The following ATP2B2 variants were observed in gnomAD, a reference collection of about 807,000 sequenced individuals.
ATP2B2 encodes the protein ATPase plasma membrane Ca2+ transporting 2.
A neutral mutation model predicts 120.0 loss-of-function variants in ATP2B2; 15 were observed. The observed-to-expected ratio is 0.12, with a 90% confidence interval of 0.08 to 0.19. The LOEUF is 0.19. Among genes scored for constraint, ATP2B2 ranks in the 10% least tolerant of loss-of-function variants. The pLI, the probability that ATP2B2 is intolerant of heterozygous loss-of-function variation, is 1.00. For missense variants in ATP2B2, 1,045 were observed against 1,719.8 expected (o/e 0.61, Z 6.94); for synonymous variants, 694 against 700.3 (o/e 0.99, Z 0.14).
chr3:10,449,978 C>G, intron 1 of ATP2B2, 116 bp from the exon 2 acceptor site: 1 of 314,042 alleles, frequency 3.2e-6, no homozygotes, highest in South Asian at 3.0e-5. Flanking sequence ...TGACTACACC[C>G]ATGCCCCCTA....
rs1553644157 is a variant in ATP2B2 at position 10,338,133 on chromosome 3, G to GC, written c.3420+42dup. Reference sequence around the variant, plus strand: ...CACACTCACCTCCATCCCCTGGCCCGCCCCGGCCAGGCCTGGGCCCAGCCC... The same window carrying GC: ...CACACTCACCTCCATCCCCTGGCCCGCCCCCGGCCAGGCCTGGGCCCAGCCC... On this transcript the variant is annotated intron_variant, in intron 22 of 22. Transcript: ENST00000360273. The GC allele has an allele frequency of 8.1e-6, 13 of 1,611,436 alleles. No individual in the cohort carries two copies. The Admixed American group carries it at 1.3e-4, about 17-fold the overall frequency.
Position 10,486,324 on chromosome 3 carries a change from C to CGTGTGCGTGT in ATP2B2, c.-320+19140_-320+19141insACACGCACAC, listed in dbSNP as rs2065656853. On this transcript the variant is annotated intron_variant, in intron 1 of 22. Transcript: ENST00000360273. Reference sequence around the variant, plus strand: ...AACAGCAGCCAGGTGTGTGTGCGTGCGTGTGTGTGTGTGTGTGTGTGTGTG... The same window carrying CGTGTGCGTGT: ...AACAGCAGCCAGGTGTGTGTGCGTGCGTGTGCGTGTGTGTGTGTGTGTGTGTGTGTGTGTG... Among the ~76,000 whole-genome samples the CGTGTGCGTGT allele has an allele frequency of 4.3e-5, 5 of 117,174 alleles. 1 individual carries two copies. Among genetic ancestry groups the CGTGTGCGTGT allele is most frequent in the Admixed American group, 3.3e-4 (4 of 12,152 alleles). 76.9% of individuals were successfully genotyped at this position (117,174 alleles called of 152,430 possible). A position where few individuals can be genotyped will look rare whatever the true frequency, so the allele number is the denominator to read the frequency against.
intron 1 of ATP2B2, among the ~76,000 whole-genome samples, chr3:10,625,608 G>A (rs1052578348): frequency 5.3e-5 from 8 of 152,214 alleles, no homozygotes; most frequent in South Asian, 2.1e-4. Flanking sequence ...GAGGTGTTGA[G>A]TTTTCAAGAG....
intron 2 of ATP2B2, among the ~76,000 whole-genome samples, chr3:10,439,008 G>T (rs542232328): frequency 6.6e-6 from 1 of 152,210 alleles, no homozygotes; most frequent in Non-Finnish European, 1.5e-5. Context: ...GGGAGCCAGC[G>T]TGGGAGGGCC....
intron 12 of ATP2B2, among the ~76,000 whole-genome samples, chr3:10,369,638 A>G (rs2061168785): frequency 6.6e-6 from 1 of 152,200 alleles, no homozygotes; most frequent in Non-Finnish European, 1.5e-5. Context: ...CAACAATACT[A>G]GTCATACTGA....
intron 1 of ATP2B2, among the ~76,000 whole-genome samples, chr3:10,496,685 C>G (rs73811912): frequency 0.016 from 2,409 of 152,284 alleles, 35 homozygotes; most frequent in Admixed American, 0.029. Flanking sequence ...CCAACCCCGC[C>G]CCTTCCCCCG....
At chr3:10,464,436 G>A (rs2064646876) in intron 1 of ATP2B2, among the ~76,000 whole-genome samples, 1 of 152,116 alleles carries the variant, frequency 6.6e-6, no homozygotes, top group Non-Finnish European at 1.5e-5. Flanking sequence ...GCCAGGACAC[G>A]GCAGGGTATA....
chr3:10,590,576 C>T (rs2068620458), intron 2 of ATP2B2, among the ~76,000 whole-genome samples: 1 of 152,192 alleles, frequency 6.6e-6, no homozygotes, highest in Non-Finnish European at 1.5e-5. Context: ...AGCCTTTCCC[C>T]TCCAATGTGA....
chr3:10,421,934 A>G (rs2062994861), intron 2 of ATP2B2, among the ~76,000 whole-genome samples: 1 of 152,200 alleles, frequency 6.6e-6, no homozygotes, highest in South Asian at 2.1e-4. Flanking sequence ...AGCAAGAACA[A>G]TCTGTCCTCA....
chr3:10,379,052 C>T (rs1367667516), intron 9 of ATP2B2, among the ~76,000 whole-genome samples, 191 bp downstream of exon 9: 1 of 152,204 alleles, frequency 6.6e-6, no homozygotes, highest in Non-Finnish European at 1.5e-5. Flanking sequence ...TCCCCCTCCT[C>T]ACCGGTGGAC....
chr3:10,569,181 A>C (rs949507521), intron 2 of ATP2B2, among the ~76,000 whole-genome samples: 1 of 152,202 alleles, frequency 6.6e-6, no homozygotes, highest in Non-Finnish European at 1.5e-5. Context: ...TGCTCCACCC[A>C]AGAGAAATAG....
chr3:10,398,302 A>G (rs1055407774), intron 5 of ATP2B2, among the ~76,000 whole-genome samples: 6 of 152,200 alleles, frequency 3.9e-5, no homozygotes, highest in African/African-American at 1.2e-4. Flanking sequence ...CCACAAGGAC[A>G]TCCTGGAGAC....
At chr3:10,418,557 A>G (rs1024724157) in intron 2 of ATP2B2, among the ~76,000 whole-genome samples, 1 of 152,132 alleles carries the variant, frequency 6.6e-6, no homozygotes, top group Non-Finnish European at 1.5e-5. Flanking sequence ...CAGGCCATCC[A>G]GGTGACCACT....
intron 1 of ATP2B2, among the ~76,000 whole-genome samples, chr3:10,645,363 G>A (rs1241334223): frequency 6.6e-6 from 1 of 152,158 alleles, no homozygotes; most frequent in Non-Finnish European, 1.5e-5. Context: ...CAATAGCAGT[G>A]GAATAATGTT....
At chr3:10,639,698 C>A (rs774217564) in intron 1 of ATP2B2, among the ~76,000 whole-genome samples, 18 of 152,188 alleles carry the variant, frequency 1.2e-4, no homozygotes, top group Admixed American at 1.0e-3. Context: ...CACACCTAGG[C>A]CTGAAGGGAC....
At position 10,375,899 on chromosome 3, in the gene ATP2B2, G is replaced by A. The variant is rs759662191; in HGVS notation, c.1202-255C>T. Among the ~76,000 whole-genome samples, 6 of 152,128 alleles carry A rather than the reference G, an allele frequency of 3.9e-5. No individual in the cohort carries two copies. Among genetic ancestry groups the A allele is most frequent in the East Asian group, 1.9e-4 (1 of 5,194 alleles). The stretch of plus-strand genomic sequence containing the variant: ...TGTAAGGCTCAAATGTGGTAATAAC[G>A]CATGCAAAGTGCCCAGCATAGTGCT... On this transcript the variant is annotated intron_variant, in intron 10 of 22. Transcript: ENST00000360273. The surrounding 1 kb of genome is among the most constrained non-coding windows in gnomAD (Gnocchi z 4.2).
chr3:10,512,958 T>A (rs2066802377), intron 3 of ATP2B2, among the ~76,000 whole-genome samples: 1 of 152,254 alleles, frequency 6.6e-6, no homozygotes, highest in African/African-American at 2.4e-5. Flanking sequence ...CGATGCCATG[T>A]GCTTCCTGCT....
At position 10,630,003 on chromosome 3, in the gene ATP2B2, C is replaced by T. The variant is rs138381610; in HGVS notation, c.-459-10042G>A. ...GCCATCAGGACAAACCCCTTATCCT[C>T]GGGGACAGACTGACCTCTCACTGTC... is the stretch of plus-strand genomic sequence containing the variant. On this transcript the variant is annotated intron_variant, in intron 1 of 21. Transcript: ENST00000646379. Among the ~76,000 whole-genome samples, 14 of 152,280 alleles carry T rather than the reference C, an allele frequency of 9.2e-5. No individual in the cohort carries two copies. In the East Asian group the frequency reaches 1.2e-3, roughly 13 times the overall value.
intron 2 of ATP2B2, among the ~76,000 whole-genome samples, chr3:10,590,260 T>C (rs2125576062): frequency 6.6e-6 from 1 of 152,318 alleles, no homozygotes; most frequent in Middle Eastern, 3.4e-3. Context: ...GCCAGGGATT[T>C]GGAGGAGGGA....
Sources: allele counts gnomAD v4.1 joint callset (sites outside exome capture counted in the v4.1 genomes callset), GRCh38; gene constraint gnomAD v4.1.1; non-coding constraint Gnocchi (gnomAD v3.1); transcripts MANE v1.5; gene names NCBI Gene and HGNC (gene_info 2026-07-23, HGNC 2026-07-21).